GNA12: variants seen among roughly 807,000 people sequenced by gnomAD.
The protein encoded by GNA12 is G protein subunit alpha 12, also known as guanine nucleotide-binding protein subunit alpha-12.
GNA12 carries 9 observed loss-of-function variants against 26.0 expected under a neutral mutation model. The ratio of observed to expected loss-of-function variants is 0.35; its 90% CI spans 0.21 to 0.60. GNA12 has a LOEUF of 0.60. Among genes scored for constraint, GNA12 ranks in the 20% least tolerant of loss-of-function variants. The pLI is 0.78. For synonymous variants in GNA12, 264 were observed against 219.6 expected, an observed-to-expected ratio of 1.20 and a Z score of -1.79; for missense variants, 405 against 525.8, an observed-to-expected ratio of 0.77 and a Z score of 2.25.
chr7:2,797,576 A>T (rs1281119926), intron 1 of GNA12, among the ~76,000 whole-genome samples: 1 of 152,028 alleles, frequency 6.6e-6, no homozygotes, highest in East Asian at 1.9e-4. Context: ...CATTTCTGAC[A>T]CCCAGGGCAG....
At chr7:2,818,712 G>A (rs898120724) in intron 1 of GNA12, among the ~76,000 whole-genome samples, 8 of 150,236 alleles carry the variant, frequency 5.3e-5, no homozygotes, top group African/African-American at 1.5e-4. Context: ...GCAGTGAGCC[G>A]AGATCGCGCC....
Position 2,739,706 on chromosome 7 carries a change from G to A in GNA12, c.526-6205C>T, listed in dbSNP as rs147111835. Among the ~76,000 whole-genome samples the A allele has an allele frequency of 6.1e-3, 926 of 152,072 alleles. 4 individuals are homozygous for A. The highest frequency in any genetic ancestry group is 0.01 in the Middle Eastern group (3 of 294). On this transcript the variant is annotated intron_variant, in intron 2 of 3. Transcript: ENST00000275364. ...TTTTTTTATTTTAAAATGGAGTCTC[G>A]CCCCGTTGCTCAGGCTGAGTGTAGT...
chr7:2,796,733 G>A (rs1489831355), intron 1 of GNA12, among the ~76,000 whole-genome samples: 1 of 152,136 alleles, frequency 6.6e-6, no homozygotes, highest in African/African-American at 2.4e-5. Flanking sequence ...TAAAGTTAAT[G>A]TTGTTCTGCC....
intron 1 of GNA12, among the ~76,000 whole-genome samples, chr7:2,818,759 G>GAA (rs71026564): frequency 0.25 from 28,128 of 114,314 alleles, 3,643 homozygotes; most frequent in Non-Finnish European, 0.3. Context: ...ACCCTAACTT[G>GAA]AAAAAAAAAA....
At chr7:2,768,685 AAC>A (rs1791872405) in intron 2 of GNA12, among the ~76,000 whole-genome samples, 2 of 137,108 alleles carry the variant, frequency 1.5e-5, no homozygotes, top group African/African-American at 2.5e-5. Flanking sequence ...AACAAAACAA[AAC>A]AAAAAAAAAA....
chr7:2,767,229 T>A (rs1426885951), intron 2 of GNA12, among the ~76,000 whole-genome samples: 4 of 152,244 alleles, frequency 2.6e-5, no homozygotes, highest in Non-Finnish European at 4.4e-5. Context: ...CCCACAAAAA[T>A]GTTTACATTT....
At chr7:2,825,287 C>T (rs886166351) in intron 1 of GNA12, among the ~76,000 whole-genome samples, 1 of 152,132 alleles carries the variant, frequency 6.6e-6, no homozygotes, top group Non-Finnish European at 1.5e-5. Context: ...GAGCTCTTGC[C>T]AGGACTTCCC....
intron 2 of GNA12, among the ~76,000 whole-genome samples, chr7:2,740,208 T>C (rs1048980553): frequency 6.6e-6 from 1 of 152,124 alleles, no homozygotes; most frequent in Admixed American, 6.5e-5. Context: ...CTTTTCTAGG[T>C]GGTTCTATTT....
At chr7:2,797,378 A>C (rs1171145459) in intron 1 of GNA12, among the ~76,000 whole-genome samples, 1 of 151,942 alleles carries the variant, frequency 6.6e-6, no homozygotes, top group Non-Finnish European at 1.5e-5. Flanking sequence ...TCCTGAGCTC[A>C]ACTGATCCTC....
chr7:2,830,812 T>C (rs990196871), intron 1 of GNA12, among the ~76,000 whole-genome samples: 1 of 152,104 alleles, frequency 6.6e-6, no homozygotes, highest in African/African-American at 2.4e-5. Flanking sequence ...TATGGCGGTG[T>C]GCACCTGTGT....
chr7:2,747,273 A>G lies in GNA12; in HGVS notation c.526-13772T>C, dbSNP rs577332574. Among the ~76,000 whole-genome samples, 18 of 152,368 alleles carry G rather than the reference A, an allele frequency of 1.2e-4. No individual in the cohort carries two copies. The South Asian group carries it at 3.7e-3, about 32-fold the overall frequency. On this transcript the variant is annotated intron_variant, in intron 2 of 3. Coordinates refer to ENST00000275364, the MANE Select transcript of GNA12 (RefSeq NM_007353.3). ...GAACATTGATGCAAAAATCCTCAAT[A>G]AAATACTGGAAAAGCAAACCCAGCA...
At chr7:2,806,537 T>C in intron 1 of GNA12, among the ~76,000 whole-genome samples, 1 of 151,472 alleles carries the variant, frequency 6.6e-6, no homozygotes, top group South Asian at 2.1e-4. Flanking sequence ...GTATTTTTAG[T>C]GCAAAAAATA....
In GNA12 at chr7:2,782,226, C is replaced by T. The variant is rs540904314; in HGVS notation, c.525+12702G>A. 5.3e-4 allele frequency among the ~76,000 whole-genome samples: 80 copies of T among 152,242 alleles called. 1 individual carries two copies. In the South Asian group the frequency reaches 7.0e-3, roughly 13 times the overall value. ...AAAATGTAGGTGTAAATCTTAATAACCTTGGATTTGGCAACAAATTCTTAG... is the reference window on the plus strand; with the variant it reads ...AAAATGTAGGTGTAAATCTTAATAATCTTGGATTTGGCAACAAATTCTTAG... On this transcript the variant is annotated intron_variant, in intron 2 of 3. Transcript: ENST00000275364.
chr7:2,772,028 C>T (rs572133756), intron 2 of GNA12, among the ~76,000 whole-genome samples: 1 of 152,272 alleles, frequency 6.6e-6, no homozygotes, highest in South Asian at 2.1e-4. Context: ...TGACTGATGA[C>T]GTCGACTGAG....
At chr7:2,812,640 TCA>T (rs756231977) in intron 1 of GNA12, among the ~76,000 whole-genome samples, 3 of 59,828 alleles carry the variant, frequency 5.0e-5, no homozygotes, top group Non-Finnish European at 1.1e-4. Flanking sequence ...AAAAATAACA[TCA>T]CATCACATCA....
intron 1 of GNA12, among the ~76,000 whole-genome samples, chr7:2,810,057 G>C (rs1333451117): frequency 6.6e-6 from 1 of 152,226 alleles, no homozygotes; most frequent in Non-Finnish European, 1.5e-5. Flanking sequence ...AACCCCAGGA[G>C]GGGAGAGGAT....
chr7:2,738,716 A>T (rs966145737), intron 2 of GNA12, among the ~76,000 whole-genome samples: 1 of 152,220 alleles, frequency 6.6e-6, no homozygotes, highest in Non-Finnish European at 1.5e-5. Flanking sequence ...TAATTAAAAA[A>T]AAATTAAATA....
intron 1 of GNA12, among the ~76,000 whole-genome samples, chr7:2,821,425 A>C (rs971636411): frequency 3.9e-5 from 6 of 152,380 alleles, no homozygotes; most frequent in South Asian, 2.1e-4. Flanking sequence ...CTGACCGCAG[A>C]GAAATCACGG....
chr7:2,835,428 A>G (rs1778809859), intron 1 of GNA12, among the ~76,000 whole-genome samples: 1 of 152,194 alleles, frequency 6.6e-6, no homozygotes, highest in African/African-American at 2.4e-5. Context: ...GGTCCCTTTA[A>G]CTGGCATGTA....
Sources: allele counts gnomAD v4.1 joint callset (sites outside exome capture counted in the v4.1 genomes callset), GRCh38; gene constraint gnomAD v4.1.1; transcripts MANE v1.5; gene names NCBI Gene and HGNC (gene_info 2026-07-23, HGNC 2026-07-21).